Variants in MEI4 observed in about 807,000 individuals in gnomAD.
MEI4 encodes the protein meiotic double-stranded break formation protein 4, also known as meiosis-specific protein MEI4.
A neutral mutation model predicts 31.4 loss-of-function variants in MEI4; 27 were observed. The observed-to-expected ratio is 0.86, with a 90% CI of 0.63 to 1.19. The LOEUF is 1.19. MEI4 is among the 50% of genes most tolerant of loss of function. The pLI, the probability that MEI4 is intolerant of heterozygous loss-of-function variation, is 0.00. For synonymous variants in MEI4, 122 were observed against 145.4 expected (o/e 0.84, Z 1.16); for missense variants, 329 against 398.9 (o/e 0.82, Z 1.49).
chr6:77,736,562 A>G (rs1441787090), intron 2 of MEI4, among the ~76,000 whole-genome samples: 6 of 151,984 alleles, frequency 3.9e-5, no homozygotes, highest in Non-Finnish European at 7.4e-5. Flanking sequence ...TGAACCCTGT[A>G]CCTCAGATGG....
In MEI4 at chr6:77,926,436, T is replaced by C. The variant is rs1766846774; in HGVS notation, c.*3090T>C. 1 of 151,934 alleles carries C rather than the reference T, an allele frequency of 6.6e-6. No homozygotes were observed. The highest frequency in any genetic ancestry group is 6.6e-5 in the Admixed American group (1 of 15,182). The allele number at this position is 151,934 out of a possible 1,614,324, so 9.4% of individuals were successfully genotyped here. ...GTTTAGGTAGACTGTGAGGCTGTAATGATAAGCAAAATGGGGAGAGAAAAC... is the reference window on the plus strand; with the variant it reads ...GTTTAGGTAGACTGTGAGGCTGTAACGATAAGCAAAATGGGGAGAGAAAAC... On this transcript the variant is annotated 3_prime_UTR_variant, in exon 5 of 5. Transcript: ENST00000684080.
chr6:77,704,532 G>T (rs1478735418), intron 2 of MEI4, among the ~76,000 whole-genome samples: 1 of 152,152 alleles, frequency 6.6e-6, no homozygotes, highest in East Asian at 1.9e-4. Flanking sequence ...TTCCCCACAA[G>T]CTGCATGAGC....
chr6:77,900,011 A>C (rs769054406), intron 4 of MEI4, among the ~76,000 whole-genome samples: 3 of 152,006 alleles, frequency 2.0e-5, no homozygotes, highest in Non-Finnish European at 4.4e-5. Context: ...CAGGCAATGA[A>C]AACCAAAATA....
intron 2 of MEI4, among the ~76,000 whole-genome samples, chr6:77,709,490 CATGTAAAATGTT>C (rs1766408257): frequency 6.6e-6 from 1 of 152,080 alleles, no homozygotes; most frequent in Admixed American, 6.6e-5. Flanking sequence ...AATTATAATA[CATGTAAAATGTT>C]AACATTTTAC....
intron 1 of MEI4, among the ~76,000 whole-genome samples, chr6:77,668,743 A>G (rs1468113089): frequency 6.6e-6 from 1 of 152,344 alleles, no homozygotes; most frequent in Middle Eastern, 3.4e-3. Context: ...ATATAAATCC[A>G]TACATACACT....
intron 2 of MEI4, 149 bp downstream of exon 2, chr6:77,691,052 G>C (rs991728967): frequency 2.9e-5 from 12 of 412,624 alleles, no homozygotes; most frequent in Non-Finnish European, 4.6e-5. Flanking sequence ...TTTTACTTCT[G>C]GTCATTCATT....
At chr6:77,913,153 G>A (rs1766468296) in intron 4 of MEI4, among the ~76,000 whole-genome samples, 2 of 152,150 alleles carry the variant, frequency 1.3e-5, no homozygotes, top group Non-Finnish European at 2.9e-5. Context: ...TGATCGCAGT[G>A]TATTTTCCTT....
At chr6:77,819,424 A>G (rs1358250491) in intron 3 of MEI4, among the ~76,000 whole-genome samples, 2 of 152,140 alleles carry the variant, frequency 1.3e-5, no homozygotes, top group African/African-American at 4.8e-5. Flanking sequence ...CTCAAAACTT[A>G]GAGAAATCAT....
chr6:77,863,103 GAT>G (rs1770912251), intron 4 of MEI4, among the ~76,000 whole-genome samples: 1 of 37,710 alleles, frequency 2.7e-5, no homozygotes, highest in Non-Finnish European at 4.3e-5. Flanking sequence ...ACCACAGGTA[GAT>G]CAGGTAGATA....
At chr6:77,698,919 T>G in intron 2 of MEI4, among the ~76,000 whole-genome samples, 1 of 152,198 alleles carries the variant, frequency 6.6e-6, no homozygotes, top group African/African-American at 2.4e-5. Flanking sequence ...CAGACGTAGA[T>G]TTGGTCTTTT....
rs59888300 is a variant in MEI4, at chr6:77,914,034, GA to G, written c.901-9041del. ...GGCCAGCAGAGTGAAACTGTTTCAAGAAAAAAAAAAAAAACTTTCGTTGATG... is the reference window on the plus strand; with the variant it reads ...GGCCAGCAGAGTGAAACTGTTTCAAGAAAAAAAAAAAAACTTTCGTTGATG... On this transcript the variant is annotated intron_variant, in intron 4 of 4. Coordinates refer to ENST00000684080, the MANE Select transcript of MEI4 (RefSeq NM_001322247.2). Among the ~76,000 whole-genome samples the G allele has an allele frequency of 1.9e-4, 26 of 139,086 alleles. 1 individual carries two copies. The South Asian group carries it at 3.2e-3, about 17-fold the overall frequency. The allele number at this position is 139,086 out of a possible 152,430, so 91.2% of individuals were successfully genotyped here.
rs9448167 is a variant in MEI4, at chr6:77,697,591, T to G, written c.232+6688T>G. Among the ~76,000 whole-genome samples, 1,059 of 152,334 alleles carry G rather than the reference T, an allele frequency of 7.0e-3. 12 individuals are homozygous for G. The highest frequency in any genetic ancestry group is 0.024 in the African/African-American group (999 of 41,560). ...GTTGAGTGGTTTTGAGTGAGTTTCT[T>G]AATCCTGAGTTCTAGTTTGATTGCA... On this transcript the variant is annotated intron_variant, in intron 2 of 4. Coordinates refer to ENST00000684080, the MANE Select transcript of MEI4 (RefSeq NM_001322247.2).
rs568347179 is a variant in MEI4, at chr6:77,873,633, C to T, written c.900+44571C>T. Among the ~76,000 whole-genome samples, 31 of 152,286 alleles carry T rather than the reference C, an allele frequency of 2.0e-4. No homozygotes were observed. The South Asian group carries it at 6.4e-3, about 32-fold the overall frequency. On this transcript the variant is annotated intron_variant, in intron 4 of 4. Transcript: ENST00000684080. ...ATTAGATCCCATTTGTCAATTTTGGCTTTTGTTGCCATTGCTTTTGGTGTT... is the reference window on the plus strand; with the variant it reads ...ATTAGATCCCATTTGTCAATTTTGGTTTTTGTTGCCATTGCTTTTGGTGTT...
chr6:77,918,778 T>A (rs1766628904), intron 4 of MEI4, among the ~76,000 whole-genome samples: 1 of 151,978 alleles, frequency 6.6e-6, no homozygotes. Context: ...CCTGCCTAAT[T>A]GCCCTGGCCA....
intron 3 of MEI4, among the ~76,000 whole-genome samples, chr6:77,817,642 T>A (rs1179909690): frequency 6.6e-6 from 1 of 152,086 alleles, no homozygotes; most frequent in Non-Finnish European, 1.5e-5. Flanking sequence ...TTATTTTTAC[T>A]ATATATTAAA....
chr6:77,660,751 AG>A (rs1327319905), intron 1 of MEI4, among the ~76,000 whole-genome samples: 4 of 152,190 alleles, frequency 2.6e-5, no homozygotes, highest in Non-Finnish European at 5.9e-5. Flanking sequence ...AGGAGGGATT[AG>A]GCTGGCTGTC....
intron 4 of MEI4, among the ~76,000 whole-genome samples, chr6:77,851,289 A>G (rs893492120): frequency 6.6e-6 from 1 of 152,172 alleles, no homozygotes; most frequent in Admixed American, 6.5e-5. Context: ...TACTGGGTAT[A>G]TACCCAAAGG....
chr6:77,795,409 A>G (rs1168020476), intron 3 of MEI4, among the ~76,000 whole-genome samples: 2 of 152,024 alleles, frequency 1.3e-5, no homozygotes, highest in Non-Finnish European at 2.9e-5. Flanking sequence ...ATCAAAATAC[A>G]AGCCTTTTGT....
At chr6:77,756,693 T>G (rs534632288) in intron 2 of MEI4, among the ~76,000 whole-genome samples, 2 of 151,654 alleles carry the variant, frequency 1.3e-5, no homozygotes, top group Non-Finnish European at 2.9e-5. Context: ...TCTCCTTCTC[T>G]CTATTTCTAT....
Sources: gnomAD v4.1 joint callset for allele counts (sites outside exome capture counted in the v4.1 genomes callset) on GRCh38, gnomAD v4.1.1 for gene constraint, MANE v1.5 for transcripts, NCBI Gene and HGNC (gene_info 2026-07-23, HGNC 2026-07-21) for gene names.